ZNG1E: variants seen among roughly 807,000 people sequenced by gnomAD.
The protein encoded by ZNG1E is Zn regulated GTPase metalloprotein activator 1E, also known as zinc-regulated GTPase metalloprotein activator 1E.
chr9:65,675,099 G>T, the ZNG1E span, among the ~76,000 whole-genome samples: 7 of 151,326 alleles, frequency 4.6e-5, no homozygotes, highest in South Asian at 4.2e-4. Context: ...AGAAAACAGG[G>T]AATGATCAGC....
chr9:65,690,761 GA>G, the ZNG1E span, among the ~76,000 whole-genome samples: 1 of 152,240 alleles, frequency 6.6e-6, no homozygotes, highest in East Asian at 1.9e-4. Flanking sequence ...AAGAGAGATG[GA>G]AATGGAATGG....
At chr9:65,684,371 T>C in the ZNG1E span, among the ~76,000 whole-genome samples, 871 of 148,904 alleles carry the variant, frequency 5.8e-3, no homozygotes, top group Non-Finnish European at 8.1e-3. Flanking sequence ...ATCCAGTCTC[T>C]ACTGAAAATT....
At chr9:65,722,530 G>GT in the ZNG1E span, among the ~76,000 whole-genome samples, 1 of 50,624 alleles carries the variant, frequency 2.0e-5, no homozygotes, top group Non-Finnish European at 3.9e-5. Flanking sequence ...TTGTTTTTTT[G>GT]GTTTTTTTTG....
the ZNG1E span, among the ~76,000 whole-genome samples, chr9:65,688,170 G>T: frequency 1.4e-5 from 2 of 147,374 alleles, no homozygotes; most frequent in East Asian, 2.0e-4. Context: ...TGAATTAATT[G>T]GTTAAGTCAT....
At chr9:65,683,778 A>G in the ZNG1E span, among the ~76,000 whole-genome samples, 41 of 152,346 alleles carry the variant, frequency 2.7e-4, no homozygotes, top group African/African-American at 9.6e-4. Context: ...CATGTTTTCA[A>G]AGTAGTATTG....
At chr9:65,668,238 T>A in the ZNG1E span, among the ~76,000 whole-genome samples, 1 of 151,900 alleles carries the variant, frequency 6.6e-6, no homozygotes, top group African/African-American at 2.4e-5. Flanking sequence ...ACAGGAATAT[T>A]CTTTCAGGAG....
chr9:65,684,909 G>T, the ZNG1E span, among the ~76,000 whole-genome samples: 1 of 152,154 alleles, frequency 6.6e-6, no homozygotes, highest in Non-Finnish European at 1.5e-5. Context: ...ATGCGTTTTG[G>T]CCGGGTGTGA....
the ZNG1E span, among the ~76,000 whole-genome samples, chr9:65,687,630 G>A: frequency 2.0e-5 from 3 of 150,266 alleles, no homozygotes; most frequent in Admixed American, 2.0e-4. Flanking sequence ...AATGCTTGCT[G>A]TTTTCTTTAA....
the ZNG1E span, among the ~76,000 whole-genome samples, chr9:65,727,454 A>G: frequency 6.8e-3 from 733 of 107,172 alleles, no homozygotes; most frequent in South Asian, 0.025. Flanking sequence ...AAGATACAGA[A>G]TTGCAGAATA....
the ZNG1E span, among the ~76,000 whole-genome samples, chr9:65,686,029 TC>T: frequency 1.5e-5 from 2 of 136,128 alleles, no homozygotes; most frequent in African/African-American, 5.3e-5. Flanking sequence ...TTTGAAGGAA[TC>T]TTTTTTTTTC....
chr9:65,672,251 C>T, the ZNG1E span, among the ~76,000 whole-genome samples: 1 of 151,718 alleles, frequency 6.6e-6, no homozygotes, highest in African/African-American at 2.4e-5. Context: ...TGCTTAGGGG[C>T]TCAAAACATT....
At chr9:65,659,005 T>G in the ZNG1E span, among the ~76,000 whole-genome samples, 1 of 152,066 alleles carries the variant, frequency 6.6e-6, no homozygotes, top group Non-Finnish European at 1.5e-5. Context: ...AGGGCTTCAC[T>G]GAGTGAATTT....
the ZNG1E span, among the ~76,000 whole-genome samples, chr9:65,710,009 G>T: frequency 6.8e-6 from 1 of 148,050 alleles, no homozygotes; most frequent in Admixed American, 6.7e-5. Flanking sequence ...ATCCTCTCCA[G>T]CACGTGTTGT....
the ZNG1E span, among the ~76,000 whole-genome samples, chr9:65,686,524 T>A: frequency 6.6e-6 from 1 of 151,986 alleles, no homozygotes; most frequent in Non-Finnish European, 1.5e-5. Context: ...TAATCCCAGT[T>A]ACTTGGGAGG....
chr9:65,678,115 A>C, the ZNG1E span, among the ~76,000 whole-genome samples: 3 of 147,564 alleles, frequency 2.0e-5, no homozygotes, highest in Non-Finnish European at 4.5e-5. Context: ...TTTTTTTCAT[A>C]ATATGGTTAA....
chr9:65,672,241 T>G, the ZNG1E span, among the ~76,000 whole-genome samples: 1 of 151,784 alleles, frequency 6.6e-6, no homozygotes, highest in Non-Finnish European at 1.5e-5. Context: ...GCCTATCAGA[T>G]GCTTAGGGGC....
the ZNG1E span, among the ~76,000 whole-genome samples, chr9:65,665,211 T>A: frequency 6.6e-6 from 1 of 152,278 alleles, no homozygotes; most frequent in African/African-American, 2.4e-5. Context: ...ATGTCAGAGT[T>A]CTTCATGGCA....
the ZNG1E span, among the ~76,000 whole-genome samples, chr9:65,667,061 T>A: frequency 6.6e-6 from 1 of 152,254 alleles, no homozygotes; most frequent in Non-Finnish European, 1.5e-5. Context: ...CCTCAGGTGA[T>A]CCACCTGTCT....
the ZNG1E span, among the ~76,000 whole-genome samples, chr9:65,702,431 C>A: frequency 2.0e-5 from 3 of 149,684 alleles, no homozygotes; most frequent in Non-Finnish European, 3.0e-5. Flanking sequence ...GGGTAGAGAG[C>A]CTAATTAGGG....
Sources: gnomAD v4.1 joint callset for allele counts (sites outside exome capture counted in the v4.1 genomes callset) on GRCh38, gnomAD v4.1.1 for gene constraint, MANE v1.5 for transcripts, NCBI Gene and HGNC (gene_info 2026-07-23, HGNC 2026-07-21) for gene names.